The following SOX6 variants were observed in gnomAD, a reference collection of about 807,000 sequenced individuals.
SOX6 encodes the protein transcription factor SOX-6.
Under a neutral mutation model 97.8 loss-of-function variants are expected in SOX6, and 11 were observed. The ratio of observed to expected loss-of-function variants is 0.11; its 90% CI spans 0.07 to 0.19. SOX6 has a LOEUF of 0.19. Among genes scored for constraint, SOX6 ranks in the 10% least tolerant of loss-of-function variants. The pLI is 1.00. For synonymous variants in SOX6, 360 were observed against 371.4 expected (o/e 0.97, Z 0.35); for missense variants, 810 against 1,039.5 (o/e 0.78, Z 3.04).
chr11:16,236,018 T>C (rs1329365477), intron 3 of SOX6, among the ~76,000 whole-genome samples: 4 of 152,042 alleles, frequency 2.6e-5, no homozygotes, highest in Admixed American at 6.6e-5. Context: ...GCTGAAGTTC[T>C]TTCTAAATAG....
chr11:16,567,733 A>AT (rs58565035), intron 4 of SOX6, among the ~76,000 whole-genome samples: 14,492 of 129,520 alleles, frequency 0.11, 1,163 homozygotes, highest in African/African-American at 0.22. Context: ...CGCCTGGCTG[A>AT]TTTTTTTTTT....
At chr11:16,100,466 T>C (rs1338034282) in intron 7 of SOX6, among the ~76,000 whole-genome samples, 1 of 151,652 alleles carries the variant, frequency 6.6e-6, no homozygotes, top group East Asian at 1.9e-4. Context: ...ATCATAAGAG[T>C]ACAAAACAAA....
chr11:15,987,785 C>T (rs1853908428), intron 14 of SOX6, among the ~76,000 whole-genome samples: 1 of 148,696 alleles, frequency 6.7e-6, no homozygotes. Context: ...TTCAAAATAA[C>T]ATCCCTATGC....
chr11:16,727,042 A>C (rs1021438631), intron 2 of SOX6, among the ~76,000 whole-genome samples: 15 of 152,108 alleles, frequency 9.9e-5, no homozygotes, highest in African/African-American at 3.6e-4. Flanking sequence ...TTACAGTTAA[A>C]TTTTTAGTTA....
At chr11:16,020,253 C>T (rs538541120) in intron 12 of SOX6, among the ~76,000 whole-genome samples, 1 of 152,106 alleles carries the variant, frequency 6.6e-6, no homozygotes, top group African/African-American at 2.4e-5. Context: ...GCCCTCAACC[C>T]TCTCTCAATG....
chr11:16,511,245 TAG>T (rs1412590457), intron 4 of SOX6, among the ~76,000 whole-genome samples: 2 of 152,168 alleles, frequency 1.3e-5, no homozygotes, highest in African/African-American at 4.8e-5. Flanking sequence ...ATGTATTCTA[TAG>T]ATGAGGATGA....
chr11:16,611,554 C>A lies in SOX6; in HGVS notation n.609+527G>T, dbSNP rs138127814. The stretch of plus-strand genomic sequence containing the variant: ...AGTTTTAGCAATTGGTTTCCTTAAA[C>A]GGGATAACAAATAAACCAACACTTC... On this transcript the variant is annotated intron_variant and non_coding_transcript_variant, in intron 4 of 5. Transcript: ENST00000524520. Among the ~76,000 whole-genome samples the A allele has an allele frequency of 6.4e-3, 980 of 152,266 alleles. 6 individuals are homozygous for A. Among genetic ancestry groups the A allele is most frequent in the Non-Finnish European group, 0.01 (681 of 68,016 alleles).
chr11:16,270,717 CA>C (rs144561763), intron 3 of SOX6, among the ~76,000 whole-genome samples: 2 of 151,080 alleles, frequency 1.3e-5, no homozygotes, highest in East Asian at 3.9e-4. Context: ...ACACATGCTA[CA>C]GCATAAATGA....
chr11:16,412,380 A>G (rs986858764), intron 1 of SOX6, among the ~76,000 whole-genome samples: 1 of 152,230 alleles, frequency 6.6e-6, no homozygotes, highest in African/African-American at 2.4e-5. Context: ...TGCATCCACC[A>G]TAACAGTTGT....
At position 16,419,853 on chromosome 11, in the gene SOX6, G is replaced by A. The variant is rs1590196227; in HGVS notation, c.-5+56462C>T. 2.0e-5 allele frequency among the ~76,000 whole-genome samples: 3 copies of A among 152,200 alleles called. No individual in the cohort carries two copies. The South Asian group carries it at 6.2e-4, about 32-fold the overall frequency. On this transcript the variant is annotated intron_variant, in intron 1 of 15. Coordinates refer to the SOX6 transcript ENST00000396356. ...ACATAAGGCTCCCTGTACCTCATAAGTGGTTTTCCACAGGCTTCAAAGTCA... is the reference window on the plus strand; with the variant it reads ...ACATAAGGCTCCCTGTACCTCATAAATGGTTTTCCACAGGCTTCAAAGTCA...
chr11:16,072,848 T>G (rs957012585), intron 9 of SOX6, among the ~76,000 whole-genome samples: 4 of 152,146 alleles, frequency 2.6e-5, no homozygotes, highest in African/African-American at 9.7e-5. Context: ...AAACTAAGCT[T>G]TATTTTAAGT....
chr11:16,326,557 C>T (rs1856100364), intron 2 of SOX6, among the ~76,000 whole-genome samples: 1 of 152,032 alleles, frequency 6.6e-6, no homozygotes, highest in Non-Finnish European at 1.5e-5. Flanking sequence ...GCCACAATGC[C>T]AATGATGACT....
chr11:16,130,468 A>T (rs567671643), intron 6 of SOX6, among the ~76,000 whole-genome samples: 3 of 152,096 alleles, frequency 2.0e-5, no homozygotes, highest in Non-Finnish European at 4.4e-5. Flanking sequence ...AATATATACA[A>T]TTTTTTGAAA....
intron 15 of SOX6, among the ~76,000 whole-genome samples, chr11:15,977,467 G>T (rs557680155): frequency 6.6e-6 from 1 of 151,906 alleles, no homozygotes; most frequent in East Asian, 1.9e-4. Flanking sequence ...AGGAGCTACG[G>T]TTTCCTGATC....
rs142929717 is a variant in SOX6 at position 16,197,419 on chromosome 11, T to A, written c.536-10464A>T. 7.3e-3 allele frequency among the ~76,000 whole-genome samples: 1,110 copies of A among 152,288 alleles called. 9 individuals are homozygous for A. Among genetic ancestry groups the A allele is most frequent in the African/African-American group, 0.025 (1,054 of 41,558 alleles). ...TTATATAATCATAGATAGCTCATAG[T>A]TTCCTGAATTACAGTGCTGAGTATA... On this transcript the variant is annotated intron_variant, in intron 4 of 15. Transcript: ENST00000683767.
rs78089590 is a variant in SOX6 at position 16,670,617 on chromosome 11, C to A, written n.429+44213G>T. Among the ~76,000 whole-genome samples, 3 of 152,328 alleles carry A rather than the reference C, an allele frequency of 2.0e-5. No individual in the cohort carries two copies. The East Asian group carries it at 5.8e-4, about 29-fold the overall frequency. The stretch of plus-strand genomic sequence containing the variant: ...CTCCCACAGATCACACCCACACCCC[C>A]TCTTGTCACCAGACAGGGAACCCCC... On this transcript the variant is annotated intron_variant and non_coding_transcript_variant, in intron 3 of 5. Coordinates refer to the SOX6 transcript ENST00000524520.
chr11:16,385,984 G>A (rs533998106), intron 1 of SOX6, among the ~76,000 whole-genome samples: 33 of 152,198 alleles, frequency 2.2e-4, no homozygotes, highest in South Asian at 2.1e-4. Context: ...TCAGAGGTCT[G>A]TGGTATCTGG....
chr11:16,188,583 A>G (rs1394036025), intron 4 of SOX6, among the ~76,000 whole-genome samples: 1 of 152,222 alleles, frequency 6.6e-6, no homozygotes, highest in African/African-American at 2.4e-5. Context: ...ATTTGTTAAT[A>G]TATACAGGAA....
chr11:16,270,637 TAACACACACACACACA>T (rs1482362177), intron 3 of SOX6, among the ~76,000 whole-genome samples: 1 of 96,766 alleles, frequency 1.0e-5, no homozygotes, highest in African/African-American at 3.9e-5. Flanking sequence ...CAAAATGTAA[TAACACACACACACACA>T]AACACACACA....
Sources: gnomAD v4.1 joint callset for allele counts (sites outside exome capture counted in the v4.1 genomes callset) on GRCh38, gnomAD v4.1.1 for gene constraint, MANE v1.5 for transcripts, NCBI Gene and HGNC (gene_info 2026-07-23, HGNC 2026-07-21) for gene names.